The following IQSEC1 variants were observed in gnomAD, a reference collection of about 807,000 sequenced individuals.
IQSEC1 encodes IQ motif and Sec7 domain ArfGEF 1.
In IQSEC1, 31 loss-of-function variants were observed where a neutral mutation model predicts 91.0. That is an observed-to-expected ratio of 0.34 (90% confidence interval 0.26 to 0.46). The LOEUF (loss-of-function observed/expected upper bound fraction) is 0.46, where lower values mean the gene tolerates loss of function less well. Among genes scored for constraint, IQSEC1 ranks in the 20% least tolerant of loss-of-function variants. IQSEC1 has a pLI of 1.00. For synonymous variants in IQSEC1, 699 were observed against 662.6 expected, an observed-to-expected ratio of 1.05 and a Z score of -0.84; for missense variants, 1,388 against 1,575.6, an observed-to-expected ratio of 0.88 and a Z score of 2.02.
chr3:13,059,164 G>C (rs1469320476), intron 1 of IQSEC1, among the ~76,000 whole-genome samples: 1 of 152,076 alleles, frequency 6.6e-6, no homozygotes, highest in African/African-American at 2.4e-5. Flanking sequence ...AATGCTCCCA[G>C]GCTCCTCCCT....
At chr3:13,205,999 C>A (rs965162977) in intron 1 of IQSEC1, among the ~76,000 whole-genome samples, 4 of 151,038 alleles carry the variant, frequency 2.6e-5, no homozygotes, top group Admixed American at 6.6e-5. Flanking sequence ...TTCATCTACT[C>A]ATCCATCTTT....
chr3:13,243,507 A>G (rs1300077892), intron 1 of IQSEC1, among the ~76,000 whole-genome samples: 1 of 152,206 alleles, frequency 6.6e-6, no homozygotes, highest in Non-Finnish European at 1.5e-5. Context: ...TCTCTGCTCC[A>G]GATGCTACAA....
intron 2 of IQSEC1, among the ~76,000 whole-genome samples, chr3:13,138,088 C>T: frequency 6.6e-6 from 1 of 152,068 alleles, no homozygotes; most frequent in East Asian, 1.9e-4. Flanking sequence ...CCTGTTTCTC[C>T]ATATGCAAAA....
chr3:12,994,822 G>A lies in IQSEC1; in HGVS notation c.24-52957C>T, dbSNP rs1473904389. ...CTCAGCCGACCTCGATTTAGATGCTGGGACGGGCCCTGGTGGCCTGGCGAC... is the reference window on the plus strand; with the variant it reads ...CTCAGCCGACCTCGATTTAGATGCTAGGACGGGCCCTGGTGGCCTGGCGAC... On this transcript the variant is annotated intron_variant, in intron 1 of 13. Transcript: ENST00000613206. The surrounding 1 kb of genome is among the most constrained non-coding windows in gnomAD (Gnocchi z 4.5). Among the ~76,000 whole-genome samples, 1 of 152,262 alleles carries A rather than the reference G, an allele frequency of 6.6e-6. No homozygotes were observed. Among genetic ancestry groups the A allele is most frequent in the Non-Finnish European group, 1.5e-5 (1 of 68,048 alleles).
At chr3:12,929,733 C>T (rs183318665) in intron 3 of IQSEC1, among the ~76,000 whole-genome samples, 52 of 152,288 alleles carry the variant, frequency 3.4e-4, no homozygotes, top group African/African-American at 1.2e-3. Flanking sequence ...TGTAAGGACC[C>T]AGCATTAACA....
rs193220198 is a variant in IQSEC1, at chr3:13,222,360, G to A, written c.273-58227C>T. On this transcript the variant is annotated intron_variant, in intron 1 of 15. Transcript: ENST00000648114. ...ATATTCCATTGTAGGGACAGACCAC[G>A]TTCATCTGTCACGGACACTTTCTTT... is the stretch of plus-strand genomic sequence containing the variant. Among the ~76,000 whole-genome samples, 8 of 152,272 alleles carry A rather than the reference G, an allele frequency of 5.3e-5. No homozygotes were observed. In the East Asian group the frequency reaches 1.2e-3, roughly 22 times the overall value.
intron 1 of IQSEC1, among the ~76,000 whole-genome samples, chr3:13,165,574 G>GTC (rs1466937637): frequency 0.023 from 1,953 of 84,426 alleles, 39 homozygotes; most frequent in African/African-American, 0.076. Flanking sequence ...GTGTGTGTGT[G>GTC]TGTGTGTCTG....
intron 1 of IQSEC1, chr3:13,022,387 C>T: frequency 1.8e-6 from 2 of 1,134,108 alleles, no homozygotes; most frequent in Non-Finnish European, 2.2e-6. Context: ...GGCCCTCACA[C>T]ACTAGACCCT....
chr3:13,242,526 C>A (rs974302968), intron 1 of IQSEC1, among the ~76,000 whole-genome samples: 3 of 152,222 alleles, frequency 2.0e-5, no homozygotes, highest in African/African-American at 4.8e-5. Context: ...GCAGGCCTTC[C>A]ACTAGCTGCA....
chr3:13,091,790 G>T (rs1045524773), intron 2 of IQSEC1, among the ~76,000 whole-genome samples: 4 of 152,232 alleles, frequency 2.6e-5, no homozygotes, highest in African/African-American at 9.6e-5. Flanking sequence ...AAAGACACAG[G>T]CAGGCAGAGG....
At chr3:13,055,372 G>C (rs1576220423) in intron 1 of IQSEC1, among the ~76,000 whole-genome samples, 1 of 152,184 alleles carries the variant, frequency 6.6e-6, no homozygotes, top group Non-Finnish European at 1.5e-5. Flanking sequence ...TATTAACTCT[G>C]GCAGGGGGAG....
intron 1 of IQSEC1, among the ~76,000 whole-genome samples, chr3:13,064,296 C>A (rs1423077000): frequency 6.6e-6 from 1 of 152,200 alleles, no homozygotes; most frequent in Non-Finnish European, 1.5e-5. Flanking sequence ...CACCCCGCTC[C>A]TTAAATCCAG....
intron 2 of IQSEC1, among the ~76,000 whole-genome samples, chr3:13,098,553 A>C (rs1265850599): frequency 6.6e-6 from 1 of 152,138 alleles, no homozygotes; most frequent in Non-Finnish European, 1.5e-5. Context: ...AGAGGGCCTC[A>C]CTGAGAAGGG....
rs765992505 is a variant in IQSEC1 at position 13,173,065 on chromosome 3, C to T, written c.273-8932G>A. 3.9e-5 allele frequency among the ~76,000 whole-genome samples: 6 copies of T among 152,194 alleles called. No homozygotes were observed. In the East Asian group the frequency reaches 9.6e-4, roughly 24 times the overall value. ...GGCCACTTTTCACCAAACCAGCTGA[C>T]GTTTTGAGTTTTCGGGTTTTCTCCC... On this transcript the variant is annotated intron_variant, in intron 1 of 15. Transcript: ENST00000648114.
intron 1 of IQSEC1, among the ~76,000 whole-genome samples, chr3:12,985,497 C>T (rs1345010791): frequency 6.6e-6 from 1 of 152,012 alleles, no homozygotes; most frequent in South Asian, 2.1e-4. Context: ...CAATCCCCCC[C>T]CCCCCGCCAA....
At chr3:13,042,094 C>T (rs1704294327) in intron 1 of IQSEC1, among the ~76,000 whole-genome samples, 1 of 152,232 alleles carries the variant, frequency 6.6e-6, no homozygotes, top group Non-Finnish European at 1.5e-5. Context: ...CAGTTTCAGG[C>T]CAGAGGGAGA....
At chr3:13,172,507 T>G (rs556617730) in intron 1 of IQSEC1, among the ~76,000 whole-genome samples, 67 of 152,240 alleles carry the variant, frequency 4.4e-4, no homozygotes, top group African/African-American at 1.5e-3. Flanking sequence ...ATAACGTTCC[T>G]GAAAGACTGC....
At chr3:13,052,681 G>A (rs1390615161) in intron 1 of IQSEC1, among the ~76,000 whole-genome samples, 1 of 152,042 alleles carries the variant, frequency 6.6e-6, no homozygotes, top group Admixed American at 6.5e-5. Context: ...GAGTGATCCA[G>A]TTTCCCCACA....
intron 5 of IQSEC1, among the ~76,000 whole-genome samples, chr3:12,921,283 C>T (rs957850010): frequency 1.3e-5 from 2 of 152,162 alleles, no homozygotes; most frequent in African/African-American, 4.8e-5. Flanking sequence ...CTCCAGGAAG[C>T]CGTCCTGGAA....
Sources: gnomAD v4.1 joint callset for allele counts (sites outside exome capture counted in the v4.1 genomes callset) on GRCh38, gnomAD v4.1.1 for gene constraint, Gnocchi (gnomAD v3.1) non-coding constraint, MANE v1.5 for transcripts, NCBI Gene and HGNC (gene_info 2026-07-23, HGNC 2026-07-21) for gene names.